JAK2: variants seen among roughly 807,000 people sequenced by gnomAD.
The protein encoded by JAK2 is tyrosine-protein kinase JAK2.
Under a neutral mutation model 139.3 loss-of-function variants are expected in JAK2, and 86 were observed. The observed-to-expected ratio is 0.62, with a 90% CI of 0.52 to 0.74. The LOEUF (loss-of-function observed/expected upper bound fraction) is 0.74, where lower values mean the gene tolerates loss of function less well. Among genes scored for constraint, JAK2 ranks in the 30% least tolerant of loss-of-function variants. The pLI is 0.00. For missense variants in JAK2, 1,421 were observed against 1,360.3 expected (o/e 1.04, Z -0.70); for synonymous variants, 490 against 437.7 (o/e 1.12, Z -1.49).
At chr9:5,093,796 A>G (rs897372734) in intron 22 of JAK2, among the ~76,000 whole-genome samples, 1 of 152,202 alleles carries the variant, frequency 6.6e-6, no homozygotes, top group African/African-American at 2.4e-5. Context: ...ATGTTGGATC[A>G]GGACATCCTA....
chr9:5,075,178 C>T (rs889194331), intron 14 of JAK2, among the ~76,000 whole-genome samples: 5 of 152,008 alleles, frequency 3.3e-5, no homozygotes, highest in African/African-American at 1.2e-4. Context: ...GAAAAGAAGC[C>T]ATGTGCACAG....
intron 8 of JAK2, among the ~76,000 whole-genome samples, chr9:5,064,016 C>T (rs1460831433): frequency 7.2e-5 from 11 of 151,968 alleles, no homozygotes; most frequent in South Asian, 6.2e-4. Flanking sequence ...ATTAGCCGGG[C>T]GTCTTGGCGT....
intron 2 of JAK2, among the ~76,000 whole-genome samples, chr9:5,016,791 T>A (rs1326517143): frequency 1.3e-5 from 2 of 152,152 alleles, no homozygotes; most frequent in Non-Finnish European, 2.9e-5. Flanking sequence ...TTATCCTAAC[T>A]TTTTTTCACC....
At chr9:4,988,146 A>G (rs10974901) in intron 2 of JAK2, among the ~76,000 whole-genome samples, 8,393 of 152,074 alleles carry the variant, frequency 0.055, 488 homozygotes, top group East Asian at 0.19. Flanking sequence ...TTCTCCCATT[A>G]CATTTCCCAC....
intron 23 of JAK2, 174 bp from the exon 24 acceptor site, chr9:5,126,159 T>A: frequency 2.0e-6 from 1 of 506,522 alleles, no homozygotes; most frequent in Non-Finnish European, 3.5e-6. Flanking sequence ...TTATAGAAGT[T>A]CCATATTTAA....
intron 22 of JAK2, among the ~76,000 whole-genome samples, chr9:5,107,551 G>A (rs1822064897): frequency 6.6e-6 from 1 of 151,988 alleles, no homozygotes; most frequent in African/African-American, 2.4e-5. Flanking sequence ...AACTCAAAAA[G>A]GGTTAGATTG....
chr9:5,070,131 C>G, intron 12 of JAK2, 79 bp downstream of exon 12: 1 of 1,003,230 alleles, frequency 1.0e-6, no homozygotes, highest in Non-Finnish European at 1.4e-6. Flanking sequence ...ATTCATGTGA[C>G]ATTGGAATTA....
At chr9:5,022,930 A>C (rs1016444643) in intron 3 of JAK2, among the ~76,000 whole-genome samples, 1 of 152,254 alleles carries the variant, frequency 6.6e-6, no homozygotes, top group Non-Finnish European at 1.5e-5. Flanking sequence ...TATTTATAAG[A>C]ATGTATGATT....
At chr9:5,056,280 T>C (rs1403905975) in intron 8 of JAK2, among the ~76,000 whole-genome samples, 1 of 152,118 alleles carries the variant, frequency 6.6e-6, no homozygotes, top group Non-Finnish European at 1.5e-5. Context: ...TTTCTCTTTT[T>C]TTAAATAGCT....
At position 5,114,179 on chromosome 9, in the gene JAK2, G is replaced by A. The variant is rs12346627; in HGVS notation, c.3060-8825G>A. ...CCAAGAAGTGTGCAGATTCTAACCCGCAAGGGGTGAGCACCTACCTGAGCC... is the reference window on the plus strand; with the variant it reads ...CCAAGAAGTGTGCAGATTCTAACCCACAAGGGGTGAGCACCTACCTGAGCC... On this transcript the variant is annotated intron_variant, in intron 22 of 24. Transcript: ENST00000381652. 402 of 436,754 alleles carry A rather than the reference G, an allele frequency of 9.2e-4. 1 individual carries two copies. Among genetic ancestry groups the A allele is most frequent in the African/African-American group, 6.9e-3 (343 of 49,796 alleles). The allele number at this position is 436,754 out of a possible 1,614,324, so 27.1% of individuals were successfully genotyped here. A position where few individuals can be genotyped will look rare whatever the true frequency, so the allele number is the denominator to read the frequency against.
intron 4 of JAK2, among the ~76,000 whole-genome samples, chr9:5,035,842 A>G (rs1823553902): frequency 1.3e-5 from 2 of 152,176 alleles, no homozygotes; most frequent in African/African-American, 4.8e-5. Context: ...GCCCTCTCTC[A>G]CCACTCCTAT....
At chr9:5,083,172 GCCTGCCTT>G (rs1321195791) in intron 19 of JAK2, among the ~76,000 whole-genome samples, 10 of 151,852 alleles carry the variant, frequency 6.6e-5, no homozygotes, top group Non-Finnish European at 1.3e-4. Flanking sequence ...AAGCTTTTCT[GCCTGCCTT>G]TCTGCCTTTA....
At chr9:5,038,868 A>G (rs546107379) in intron 4 of JAK2, among the ~76,000 whole-genome samples, 2 of 152,222 alleles carry the variant, frequency 1.3e-5, no homozygotes, top group South Asian at 2.1e-4. Flanking sequence ...AAATCAATCA[A>G]TGTAATACAC....
intron 4 of JAK2, among the ~76,000 whole-genome samples, chr9:5,040,246 C>T (rs557942886): frequency 6.6e-6 from 1 of 151,980 alleles, no homozygotes; most frequent in African/African-American, 2.4e-5. Context: ...AACTGGATAT[C>T]CACATGTAAA....
intron 2 of JAK2, among the ~76,000 whole-genome samples, chr9:5,006,684 C>T (rs1821322919): frequency 6.6e-6 from 1 of 152,196 alleles, no homozygotes; most frequent in South Asian, 2.1e-4. Flanking sequence ...AACCAGATCT[C>T]ATGCAAACTC....
chr9:5,069,865 T>G, intron 11 of JAK2, 60 bp from the exon 12 acceptor site: 1 of 1,159,048 alleles, frequency 8.6e-7, no homozygotes. Flanking sequence ...TACTCCTCTT[T>G]GGAGCAATTC....
Position 5,120,206 on chromosome 9 carries a change from G to A in JAK2, c.3060-2798G>A, listed in dbSNP as rs1353149917. ...TGTCCTCACATGGACAAAAGTGGAA[G>A]GGCGAGAGGGGCCAAATGCTGCATG... On this transcript the variant is annotated intron_variant, in intron 22 of 24. Transcript: ENST00000381652. Among the ~76,000 whole-genome samples, 3 of 152,212 alleles carry A rather than the reference G, an allele frequency of 2.0e-5. No homozygotes were observed. The East Asian group carries it at 5.8e-4, about 29-fold the overall frequency.
chr9:5,044,813 A>G (rs1050048097), intron 5 of JAK2, among the ~76,000 whole-genome samples: 1 of 152,208 alleles, frequency 6.6e-6, no homozygotes, highest in African/African-American at 2.4e-5. Flanking sequence ...TGAGGTTTAC[A>G]ACATGATTCA....
At chr9:4,999,284 TTTC>T (rs1820792349) in intron 2 of JAK2, among the ~76,000 whole-genome samples, 1 of 152,230 alleles carries the variant, frequency 6.6e-6, no homozygotes, top group Non-Finnish European at 1.5e-5. Flanking sequence ...AGATTTCTTG[TTTC>T]TTAAGTGAAA....
Sources: gnomAD v4.1 joint callset for allele counts (sites outside exome capture counted in the v4.1 genomes callset) on GRCh38, gnomAD v4.1.1 for gene constraint, MANE v1.5 for transcripts, NCBI Gene and HGNC (gene_info 2026-07-23, HGNC 2026-07-21) for gene names.